The following ZFHX4 variants were observed in gnomAD, a reference collection of about 807,000 sequenced individuals.
ZFHX4 encodes the protein zinc finger homeobox 4, also known as zinc finger homeobox protein 4.
In ZFHX4, 56 loss-of-function variants were observed where a neutral mutation model predicts 267.6. The observed-to-expected ratio is 0.21, with a 90% CI of 0.17 to 0.26. ZFHX4 has a LOEUF of 0.26. ZFHX4 is among the 10% of genes least tolerant of loss of function. The pLI is 1.00. For missense variants in ZFHX4, 4,332 were observed against 4,420.0 expected, an observed-to-expected ratio of 0.98 and a Z score of 0.56; for synonymous variants, 1,778 against 1,665.6, an observed-to-expected ratio of 1.07 and a Z score of -1.64.
intron 5 of ZFHX4, among the ~76,000 whole-genome samples, chr8:76,835,151 G>A (rs1812037266): frequency 7.0e-6 from 1 of 143,102 alleles, no homozygotes; most frequent in Admixed American, 7.3e-5. Context: ...GGTAATTATT[G>A]AATTCATTGG....
At chr8:76,720,614 G>C (rs1808694963) in intron 3 of ZFHX4, among the ~76,000 whole-genome samples, 1 of 151,984 alleles carries the variant, frequency 6.6e-6, no homozygotes, top group South Asian at 2.1e-4. Context: ...TGCCTGATTT[G>C]TTCCTTCTCC....
intron 3 of ZFHX4, among the ~76,000 whole-genome samples, chr8:76,746,903 A>C (rs1585904703): frequency 6.6e-6 from 1 of 152,196 alleles, no homozygotes; most frequent in South Asian, 2.1e-4. Flanking sequence ...AAACTCGACT[A>C]ATGGATTCTT....
rs1049062629 is a variant in ZFHX4 at position 76,703,979 on chromosome 8, G to A, written c.-46-64G>A. The A allele has an allele frequency of 3.6e-6, 4 of 1,104,156 alleles. No individual in the cohort carries two copies. The African/African-American group carries it at 6.4e-5, about 18-fold the overall frequency. The allele number at this position is 1,104,156 out of a possible 1,614,324, so 68.4% of individuals were successfully genotyped here. On this transcript the variant is annotated intron_variant, in intron 1 of 10. Transcript: ENST00000651372. ...TTACAGCAGCTGTAAATTAGTGATG[G>A]GCTATTAGTGAGCTGTGTCATTATT...
At chr8:76,778,905 G>T (rs756297123) in intron 4 of ZFHX4, among the ~76,000 whole-genome samples, 1 of 152,110 alleles carries the variant, frequency 6.6e-6, no homozygotes, top group African/African-American at 2.4e-5. Flanking sequence ...ACCTAGTCAG[G>T]GTCCATTATA....
chr8:76,769,713 G>A (rs1256818273), intron 3 of ZFHX4, among the ~76,000 whole-genome samples: 1 of 152,130 alleles, frequency 6.6e-6, no homozygotes, highest in African/African-American at 2.4e-5. Context: ...GAGTCAAAGG[G>A]TCACTTGATT....
rs530932886 is a variant in ZFHX4, at chr8:76,791,322, T to A, written c.3325+12883T>A. On this transcript the variant is annotated intron_variant, in intron 4 of 10. Coordinates refer to ENST00000651372, the MANE Select transcript of ZFHX4 (RefSeq NM_024721.5). ...TTGCATACCATCACAGCTTATATGG[T>A]GTCCTGGAACGTTAGCTGTTTCAAA... Among the ~76,000 whole-genome samples the A allele has an allele frequency of 9.2e-5, 14 of 152,264 alleles. No individual in the cohort carries two copies. The South Asian group carries it at 2.9e-3, about 32-fold the overall frequency.
intron 4 of ZFHX4, among the ~76,000 whole-genome samples, chr8:76,794,873 TTGTGTGTGTGTG>T (rs71277761): frequency 2.8e-5 from 4 of 143,098 alleles, no homozygotes; most frequent in Admixed American, 7.1e-5. Flanking sequence ...TGGCCTGTCA[TTGTGTGTGTGTG>T]TGTGTGTGTG....
intron 3 of ZFHX4, among the ~76,000 whole-genome samples, chr8:76,772,697 GT>G (rs1179521701): frequency 6.6e-6 from 1 of 152,066 alleles, no homozygotes; most frequent in Non-Finnish European, 1.5e-5. Flanking sequence ...ACATATTTTG[GT>G]GACTTCCCAC....
At chr8:76,825,920 T>A (rs1292701446) in intron 4 of ZFHX4, among the ~76,000 whole-genome samples, 1 of 152,146 alleles carries the variant, frequency 6.6e-6, no homozygotes, top group African/African-American at 2.4e-5. Flanking sequence ...CCAAATAATA[T>A]CACTGAGCCA....
At chr8:76,845,898 CA>C (rs762597413) in intron 6 of ZFHX4, among the ~76,000 whole-genome samples, 5 of 151,700 alleles carry the variant, frequency 3.3e-5, no homozygotes, top group African/African-American at 4.8e-5. Flanking sequence ...ATGAAAATGA[CA>C]TTTTTTTTGA....
At chr8:76,775,946 T>C (rs1025395320) in intron 3 of ZFHX4, among the ~76,000 whole-genome samples, 2 of 151,514 alleles carry the variant, frequency 1.3e-5, no homozygotes, top group Non-Finnish European at 2.9e-5. Context: ...AACTCACAGT[T>C]GATGGGGCAG....
intron 3 of ZFHX4, among the ~76,000 whole-genome samples, chr8:76,732,855 G>A (rs1412728012): frequency 6.6e-6 from 1 of 152,100 alleles, no homozygotes; most frequent in Non-Finnish European, 1.5e-5. Flanking sequence ...ATAAGGGTGG[G>A]GGGAGATTAA....
intron 3 of ZFHX4, among the ~76,000 whole-genome samples, chr8:76,756,933 C>T (rs1409093886): frequency 6.6e-6 from 1 of 152,070 alleles, no homozygotes; most frequent in African/African-American, 2.4e-5. Context: ...AAATTAATAT[C>T]ATATTTTCCT....
intron 1 of ZFHX4, among the ~76,000 whole-genome samples, chr8:76,692,155 A>C (rs1406265363): frequency 6.6e-6 from 1 of 152,034 alleles, no homozygotes. Flanking sequence ...TTTTTTTTTA[A>C]GAAGCAAATT....
At position 76,769,632 on chromosome 8, in the gene ZFHX4, G is replaced by A. The variant is rs116928331; in HGVS notation, c.3094-8576G>A. 1.3e-3 allele frequency among the ~76,000 whole-genome samples: 205 copies of A among 152,266 alleles called. No individual in the cohort carries two copies. In the Middle Eastern group the frequency reaches 0.02, roughly 15 times the overall value. On this transcript the variant is annotated intron_variant, in intron 3 of 10. Coordinates refer to ENST00000651372, the MANE Select transcript of ZFHX4 (RefSeq NM_024721.5). ...CTCCCAAAGTGCTAGGATCATAGGCGTGAGCCATGTCACACAGCCTAGAAT... is the reference window on the plus strand; with the variant it reads ...CTCCCAAAGTGCTAGGATCATAGGCATGAGCCATGTCACACAGCCTAGAAT...
chr8:76,701,311 G>A (rs1808096977), intron 1 of ZFHX4, among the ~76,000 whole-genome samples: 1 of 152,030 alleles, frequency 6.6e-6, no homozygotes, highest in Admixed American at 6.6e-5. Flanking sequence ...ATAGAAGACA[G>A]GTATTTGACT....
In ZFHX4 at chr8:76,853,006, A is replaced by G; in HGVS notation, c.6085A>G (p.Asn2029Asp). 6.5e-7 allele frequency: 1 copy of G among 1,528,008 alleles called. No homozygotes were observed. Among genetic ancestry groups the G allele is most frequent in the Non-Finnish European group, 8.9e-7 (1 of 1,129,898 alleles). The allele number at this position is 1,528,008 out of a possible 1,614,324, so 94.7% of individuals were successfully genotyped here. A position where few individuals can be genotyped will look rare whatever the true frequency, so the allele number is the denominator to read the frequency against. ...TTCTATGGGTCCTGTAAAGATCCCC[A>G]ACACGGTTTCTACTCCTCTGCAAGC... ...PSSMGPVKIP[N>D]TVSTPLQAPP... Residue 2029 changes from asparagine (N) to aspartate (D), a missense_variant, in exon 10 of 11, where the codon AAC becomes GAC. Asn to Asp is a conservative substitution (Grantham distance 23). Around this residue, in one of 7 missense-constraint regions of ZFHX4, gnomAD observed 1,371 missense variants for 1,423.1 expected, o/e 0.96. Transcript: ENST00000651372.
chr8:76,839,953 T>C (rs1039859958), intron 5 of ZFHX4, among the ~76,000 whole-genome samples: 2 of 152,164 alleles, frequency 1.3e-5, no homozygotes, highest in East Asian at 3.9e-4. Context: ...ATGTCAAATT[T>C]ATTTCTAAAA....
At chr8:76,682,107 T>G (rs1189717079) in intron 1 of ZFHX4, among the ~76,000 whole-genome samples, 3 of 150,882 alleles carry the variant, frequency 2.0e-5, no homozygotes, top group African/African-American at 4.9e-5. Context: ...CTGCCAGGGG[T>G]CTCCGCTCGC....
Sources: allele counts gnomAD v4.1 joint callset (sites outside exome capture counted in the v4.1 genomes callset), GRCh38; gene constraint gnomAD v4.1.1; regional missense constraint gnomAD v4.1.1; transcripts MANE v1.5; gene names NCBI Gene and HGNC (gene_info 2026-07-23, HGNC 2026-07-21).